The following CNIH3 variants were observed in gnomAD, a reference collection of about 807,000 sequenced individuals.
CNIH3 encodes protein cornichon homolog 3.
A neutral mutation model predicts 24.1 loss-of-function variants in CNIH3; 14 were observed. The observed-to-expected ratio is 0.58, with a 90% CI of 0.38 to 0.91. CNIH3 has a LOEUF of 0.91. Ranked by LOEUF, CNIH3 falls within the 40% of genes least tolerant of loss-of-function variation. CNIH3 has a pLI of 0.00. For synonymous variants in CNIH3, 68 were observed against 73.8 expected (o/e 0.92, Z 0.40); for missense variants, 178 against 196.8 (o/e 0.90, Z 0.57).
chr1:224,547,698 A>C (rs1679756124), intron 3 of CNIH3, among the ~76,000 whole-genome samples: 1 of 151,916 alleles, frequency 6.6e-6, no homozygotes, highest in South Asian at 2.1e-4. Flanking sequence ...CCATGATATT[A>C]TTCATATATC....
At chr1:224,710,531 C>T (rs1042660419) in intron 3 of CNIH3, among the ~76,000 whole-genome samples, 5 of 152,168 alleles carry the variant, frequency 3.3e-5, no homozygotes, top group African/African-American at 1.2e-4. Context: ...AATAAGTGAC[C>T]ACTAAAGGAC....
intron 3 of CNIH3, among the ~76,000 whole-genome samples, chr1:224,563,227 T>G (rs1457023665): frequency 6.6e-6 from 1 of 152,204 alleles, no homozygotes; most frequent in Non-Finnish European, 1.5e-5. Context: ...ACACCTCTTC[T>G]TTTTATAAAT....
chr1:224,530,445 T>C (rs1044064351), intron 2 of CNIH3, among the ~76,000 whole-genome samples: 4 of 152,172 alleles, frequency 2.6e-5, no homozygotes, highest in Non-Finnish European at 5.9e-5. Flanking sequence ...AGGAACCACT[T>C]TCATGCACAG....
At chr1:224,498,367 C>T (rs1301026654) in intron 1 of CNIH3, among the ~76,000 whole-genome samples, 3 of 152,152 alleles carry the variant, frequency 2.0e-5, no homozygotes, top group Non-Finnish European at 4.4e-5. Flanking sequence ...TTCTCTGACT[C>T]AGCTTGAAAC....
At chr1:224,729,886 A>G (rs1378823399) in intron 3 of CNIH3, among the ~76,000 whole-genome samples, 1 of 152,000 alleles carries the variant, frequency 6.6e-6, no homozygotes, top group African/African-American at 2.4e-5. Context: ...CCTCTTCATC[A>G]TTGCTAATTG....
At chr1:224,595,357 A>G (rs1167303433) in intron 3 of CNIH3, among the ~76,000 whole-genome samples, 1 of 152,104 alleles carries the variant, frequency 6.6e-6, no homozygotes, top group Non-Finnish European at 1.5e-5. Context: ...GTGATCAGTG[A>G]TCTTTGATGT....
At chr1:224,680,234 G>A (rs1686335509) in intron 1 of CNIH3, among the ~76,000 whole-genome samples, 1 of 152,246 alleles carries the variant, frequency 6.6e-6, no homozygotes, top group Non-Finnish European at 1.5e-5. Flanking sequence ...CTGTGGTGAG[G>A]ATGTGGGCTT....
chr1:224,656,788 A>C (rs1685120081), intron 1 of CNIH3, among the ~76,000 whole-genome samples: 1 of 152,158 alleles, frequency 6.6e-6, no homozygotes, highest in African/African-American at 2.4e-5. Context: ...AGGGAACTGG[A>C]GCTTGTTGGA....
At chr1:224,477,146 C>T (rs1676620181) in intron 1 of CNIH3, among the ~76,000 whole-genome samples, 1 of 152,220 alleles carries the variant, frequency 6.6e-6, no homozygotes, top group African/African-American at 2.4e-5. Context: ...AGCAAGCGGA[C>T]TCACAGTTTT....
chr1:224,706,588 T>C (rs1381870378), intron 3 of CNIH3, among the ~76,000 whole-genome samples: 4 of 152,186 alleles, frequency 2.6e-5, no homozygotes, highest in Non-Finnish European at 5.9e-5. Context: ...TCTGCCCCCT[T>C]CTTTGGTGTC....
intron 3 of CNIH3, among the ~76,000 whole-genome samples, chr1:224,705,850 CTTTTTTTTCT>C (rs1687764585): frequency 1.1e-5 from 1 of 90,208 alleles, no homozygotes; most frequent in Non-Finnish European, 2.4e-5. Flanking sequence ...TCTTTCTTTT[CTTTTTTTTCT>C]TTTTTTTTTT....
intron 1 of CNIH3, among the ~76,000 whole-genome samples, chr1:224,618,168 T>C (rs1414087158): frequency 2.0e-5 from 3 of 152,232 alleles, no homozygotes; most frequent in Non-Finnish European, 2.9e-5. Flanking sequence ...TCAAAGACTG[T>C]GCAACATTTA....
chr1:224,608,636 C>T (rs1451771134), intron 3 of CNIH3, among the ~76,000 whole-genome samples: 2 of 152,320 alleles, frequency 1.3e-5, no homozygotes, highest in South Asian at 2.1e-4. Context: ...AGGCCCAGGG[C>T]ACGGCGCCGG....
chr1:224,576,915 C>A (rs1481548221), intron 4 of CNIH3, among the ~76,000 whole-genome samples: 2 of 152,036 alleles, frequency 1.3e-5, no homozygotes, highest in Non-Finnish European at 2.9e-5. Context: ...GAAATAAAGC[C>A]AAATACAGCC....
chr1:224,546,012 C>T lies in CNIH3; in HGVS notation n.340-817C>T, dbSNP rs187818064. On this transcript the variant is annotated intron_variant and non_coding_transcript_variant, in intron 2 of 5. Transcript: ENST00000471578. ...TGTGTTTGTGTCCTAAGCTCCTCTT[C>T]TTATAAGGACACCAGTCATACTGGG... 1.7e-4 allele frequency among the ~76,000 whole-genome samples: 26 copies of T among 152,228 alleles called. No individual in the cohort carries two copies. The East Asian group carries it at 4.1e-3, about 24-fold the overall frequency.
chr1:224,569,462 C>G (rs1680723537), intron 4 of CNIH3, among the ~76,000 whole-genome samples: 2 of 152,146 alleles, frequency 1.3e-5, no homozygotes, highest in African/African-American at 4.8e-5. Flanking sequence ...ATTTTTAAAA[C>G]ACGATCTAGA....
At chr1:224,502,932 C>G (rs1215558625) in intron 1 of CNIH3, among the ~76,000 whole-genome samples, 1 of 151,528 alleles carries the variant, frequency 6.6e-6, no homozygotes, top group Non-Finnish European at 1.5e-5. Context: ...AGAACACAGG[C>G]TAAGGTGATG....
At chr1:224,515,354 A>G (rs1366397112), upstream of CNIH3, among the ~76,000 whole-genome samples, 2 of 152,372 alleles carry the variant, frequency 1.3e-5, no homozygotes, top group East Asian at 3.9e-4. Context: ...AAAAATGGTA[A>G]AGAAAAGGAA....
At chr1:224,455,154 G>A (rs958267859) in intron 1 of CNIH3, among the ~76,000 whole-genome samples, 9 of 152,072 alleles carry the variant, frequency 5.9e-5, no homozygotes, top group East Asian at 3.8e-4. Context: ...TAATAATGTC[G>A]AATATTATGT....
Sources: allele counts gnomAD v4.1 joint callset (sites outside exome capture counted in the v4.1 genomes callset), GRCh38; gene constraint gnomAD v4.1.1; transcripts MANE v1.5; gene names NCBI Gene and HGNC (gene_info 2026-07-23, HGNC 2026-07-21).